Variants in MUSK observed in about 807,000 individuals in gnomAD.
MUSK encodes muscle, skeletal receptor tyrosine-protein kinase.
A neutral mutation model predicts 88.7 loss-of-function variants in MUSK; 55 were observed. The observed-to-expected ratio is 0.62, with a 90% CI of 0.50 to 0.78. MUSK has a LOEUF of 0.78. Ranked by LOEUF, MUSK falls within the 30% of genes least tolerant of loss-of-function variation. MUSK has a pLI of 0.00. For synonymous variants in MUSK, 387 were observed against 391.9 expected (o/e 0.99, Z 0.15); for missense variants, 1,015 against 1,074.3 (o/e 0.94, Z 0.77).
intron 6 of MUSK, among the ~76,000 whole-genome samples, chr9:110,742,211 C>G (rs950050197): frequency 6.6e-6 from 1 of 152,130 alleles, no homozygotes; most frequent in Non-Finnish European, 1.5e-5. Flanking sequence ...AATCCCAGCA[C>G]TTTTGGAGGC....
At position 110,806,083 on chromosome 9, in the gene MUSK, C is replaced by G. The variant is rs1052118963; in HGVS notation, c.*5095C>G. 6.6e-6 allele frequency among the ~76,000 whole-genome samples: 1 copy of G among 151,974 alleles called. No homozygotes were observed. Among genetic ancestry groups the G allele is most frequent in the Admixed American group, 6.6e-5 (1 of 15,242 alleles). On this transcript the variant is annotated 3_prime_UTR_variant, in exon 15 of 15. Transcript: ENST00000374448. Reference sequence around the variant, plus strand: ...TCCCTTCTTCCTTTTCATCTCTAGTCCCAGCCTAAGTGCTAACCACTTCAC... The same window carrying G: ...TCCCTTCTTCCTTTTCATCTCTAGTGCCAGCCTAAGTGCTAACCACTTCAC...
chr9:110,790,197 G>A (rs1163043910), intron 14 of MUSK, among the ~76,000 whole-genome samples: 1 of 152,228 alleles, frequency 6.6e-6, no homozygotes, highest in Non-Finnish European at 1.5e-5. Flanking sequence ...GGACTATAAA[G>A]TGACCTTGAA....
intron 13 of MUSK, among the ~76,000 whole-genome samples, chr9:110,787,186 C>A (rs570733725): frequency 6.6e-6 from 1 of 152,012 alleles, no homozygotes; most frequent in South Asian, 2.1e-4. Context: ...CACAGTGAAA[C>A]CCTGTCTCTA....
rs1157257340 is a variant in MUSK, at chr9:110,775,769, T to C, written c.1185-19T>C. On this transcript the variant is annotated intron_variant, in intron 9 of 14. Coordinates refer to ENST00000374448, the MANE Select transcript of MUSK (RefSeq NM_005592.4). ...CATGTAATGATTCATCAAGTTTTGTTCTCCATATACTATTTTAGAGAGTAC... is the reference window on the plus strand; with the variant it reads ...CATGTAATGATTCATCAAGTTTTGTCCTCCATATACTATTTTAGAGAGTAC... The C allele has an allele frequency of 6.2e-7, 1 of 1,612,424 alleles. No homozygotes were observed. The highest frequency in any genetic ancestry group is 2.2e-5 in the East Asian group (1 of 44,880).
At chr9:110,757,216 T>C (rs1398427583) in intron 7 of MUSK, among the ~76,000 whole-genome samples, 1 of 152,098 alleles carries the variant, frequency 6.6e-6, no homozygotes, top group Non-Finnish European at 1.5e-5. Flanking sequence ...CCCAGCACTT[T>C]GGGAGGCTGA....
At chr9:110,710,950 G>A (rs1422895661) in intron 5 of MUSK, among the ~76,000 whole-genome samples, 3 of 152,036 alleles carry the variant, frequency 2.0e-5, no homozygotes, top group African/African-American at 7.2e-5. Flanking sequence ...TCCTTTGTAG[G>A]GACATAGATG....
At chr9:110,789,000 T>C (rs2077926084) in intron 14 of MUSK, among the ~76,000 whole-genome samples, 2 of 152,128 alleles carry the variant, frequency 1.3e-5, no homozygotes, top group African/African-American at 4.8e-5. Flanking sequence ...GGGAGAGTTA[T>C]CAAAGATGAG....
At chr9:110,689,245 A>AAATC (rs1325713638) in intron 3 of MUSK, among the ~76,000 whole-genome samples, 1 of 117,780 alleles carries the variant, frequency 8.5e-6, no homozygotes, top group African/African-American at 3.5e-5. Flanking sequence ...ATAAATATAT[A>AAATC]AACTATATAT....
rs1402774549 is a variant in MUSK at position 110,775,911 on chromosome 9, G to C, written c.1308G>C (p.Lys436Asn). Residue 436 changes from lysine to asparagine, a missense_variant, in exon 10 of 15, where the codon AAG becomes AAC. By Grantham distance (94) the Lys-to-Asn change is moderately conservative. Coordinates refer to ENST00000374448, the MANE Select transcript of MUSK (RefSeq NM_005592.4). ...TGCTGTCCGTGCCAGAATGCAGCAAGCTTCCCAGCATGCATTGGGACCCCA... is the reference window on the plus strand; with the variant it reads ...TGCTGTCCGTGCCAGAATGCAGCAACCTTCCCAGCATGCATTGGGACCCCA... ...MHLLSVPECS[K>N]LPSMHWDPTA... 1 of 1,613,874 alleles carries C rather than the reference G, an allele frequency of 6.2e-7. No individual in the cohort carries two copies. Among genetic ancestry groups the C allele is most frequent in the Non-Finnish European group, 8.5e-7 (1 of 1,179,854 alleles).
chr9:110,701,893 T>C (rs568383142), intron 5 of MUSK, among the ~76,000 whole-genome samples: 1 of 117,694 alleles, frequency 8.5e-6, no homozygotes, highest in South Asian at 2.6e-4. Context: ...TATTTTATTT[T>C]ATTTTATTTT....
intron 8 of MUSK, among the ~76,000 whole-genome samples, chr9:110,767,153 G>C (rs2077496618): frequency 6.6e-6 from 1 of 152,148 alleles, no homozygotes; most frequent in Non-Finnish European, 1.5e-5. Flanking sequence ...TGAGGCACTG[G>C]GTGACCAGTT....
intron 7 of MUSK, among the ~76,000 whole-genome samples, chr9:110,752,175 C>T (rs1429215542): frequency 2.0e-5 from 3 of 152,156 alleles, no homozygotes. Context: ...CATGAGACAA[C>T]TTCCATTTTC....
chr9:110,706,157 GAATATAC>G (rs1245028342), intron 5 of MUSK: 4 of 513,634 alleles, frequency 7.8e-6, no homozygotes, highest in Non-Finnish European at 1.6e-5. Flanking sequence ...ATATGAGAAT[GAATATAC>G]AATGATAAAA....
intron 2 of MUSK, among the ~76,000 whole-genome samples, chr9:110,685,746 T>G (rs985117871): frequency 3.9e-5 from 6 of 152,210 alleles, no homozygotes; most frequent in African/African-American, 1.4e-4. Context: ...TAAGATGATG[T>G]AGATTTTCTC....
intron 14 of MUSK, among the ~76,000 whole-genome samples, chr9:110,789,405 A>G (rs2077933633): frequency 6.6e-6 from 1 of 152,242 alleles, no homozygotes; most frequent in South Asian, 2.1e-4. Flanking sequence ...AGATGAGTGA[A>G]TGGAGGTGCC....
intron 14 of MUSK, among the ~76,000 whole-genome samples, chr9:110,798,074 A>G (rs1001168068): frequency 6.6e-6 from 1 of 152,218 alleles, no homozygotes. Context: ...TGGATATCCA[A>G]TGAACACAGG....
At chr9:110,694,364 C>T (rs981070207) in intron 3 of MUSK, among the ~76,000 whole-genome samples, 30 of 125,958 alleles carry the variant, frequency 2.4e-4, no homozygotes, top group African/African-American at 9.0e-4. Context: ...CCAGCCTGGG[C>T]GACAGAGCGA....
Position 110,762,128 on chromosome 9 carries a change from A to C in MUSK, c.914-74A>C, listed in dbSNP as rs375552248. 52 of 1,233,634 alleles carry C rather than the reference A, an allele frequency of 4.2e-5. No homozygotes were observed. In the African/African-American group the frequency reaches 6.4e-4, roughly 15 times the overall value. 76.4% of individuals were successfully genotyped at this position (1,233,634 alleles called of 1,614,324 possible). A position where few individuals can be genotyped will look rare whatever the true frequency, so the allele number is the denominator to read the frequency against. ...AAAACAATCTCAGCCAAAGCATAAG[A>C]TGAAAATGTACTAACGTTCTTTCTT... On this transcript the variant is annotated intron_variant, in intron 7 of 14. Coordinates refer to ENST00000374448, the MANE Select transcript of MUSK (RefSeq NM_005592.4).
At chr9:110,773,991 GC>G (rs2077623532) in intron 9 of MUSK, among the ~76,000 whole-genome samples, 2 of 151,986 alleles carry the variant, frequency 1.3e-5, no homozygotes, top group South Asian at 4.1e-4. Flanking sequence ...TGGGTAATAT[GC>G]CCTAAACATT....
Sources: allele counts gnomAD v4.1 joint callset (sites outside exome capture counted in the v4.1 genomes callset), GRCh38; gene constraint gnomAD v4.1.1; transcripts MANE v1.5; gene names NCBI Gene and HGNC (gene_info 2026-07-23, HGNC 2026-07-21).